The following RNPS1 variants were observed in gnomAD, a reference collection of about 807,000 sequenced individuals.
RNPS1 encodes RNA binding protein with serine rich domain 1.
For missense variants in RNPS1, 300 were observed against 427.6 expected (o/e 0.70, Z 2.63); for synonymous variants, 147 against 150.0 (o/e 0.98, Z 0.15).
chr16:2,267,667 C>G, intron 1 of RNPS1: 3 of 1,144,694 alleles, frequency 2.6e-6, no homozygotes, highest in Non-Finnish European at 3.2e-6. Flanking sequence ...ACTCACAACT[C>G]CCCCGTCCAG....
At chr16:2,267,734 G>A (rs1186629820) in intron 1 of RNPS1, 14 of 1,281,398 alleles carry the variant, frequency 1.1e-5, no homozygotes, top group Non-Finnish European at 1.3e-5. Flanking sequence ...TTGGGTCTCC[G>A]GCCCGGCGGG....
intron 6 of RNPS1, chr16:2,255,953 G>C: frequency 1.9e-6 from 1 of 525,500 alleles, no homozygotes. Context: ...TGGTGAAAAT[G>C]TCTCTACTAA....
chr16:2,258,952 G>A (rs1422169735), intron 6 of RNPS1, among the ~76,000 whole-genome samples: 1 of 151,710 alleles, frequency 6.6e-6, no homozygotes, highest in Non-Finnish European at 1.5e-5. Flanking sequence ...GTGAAACCAT[G>A]TCTCTACTAA....
intron 6 of RNPS1, among the ~76,000 whole-genome samples, chr16:2,261,311 G>C (rs1234368425): frequency 6.6e-6 from 1 of 152,116 alleles, no homozygotes; most frequent in African/African-American, 2.4e-5. Flanking sequence ...TTCTATGTGT[G>C]GCTGTTGCAT....
intron 7 of RNPS1, 31 bp downstream of exon 7, chr16:2,255,554 G>C (rs1295171195): frequency 3.9e-6 from 6 of 1,550,122 alleles, no homozygotes; most frequent in African/African-American, 2.7e-5. Flanking sequence ...TTTGTGGCCT[G>C]ATCAGTCCAC....
chr16:2,255,566 G>GA lies in RNPS1; in HGVS notation c.818+18dup. Reference sequence around the variant, plus strand: ...AGGTTTGTGGCCTGATCAGTCCACTGAAACTACAAATTGTTTACCTTCTCC... The same window carrying GA: ...AGGTTTGTGGCCTGATCAGTCCACTGAAAACTACAAATTGTTTACCTTCTCC... On this transcript the variant is annotated intron_variant, in intron 7 of 7. Coordinates refer to ENST00000320225, the MANE Select transcript of RNPS1 (RefSeq NM_080594.4). The GA allele has an allele frequency of 2.6e-6, 4 of 1,558,614 alleles. No individual in the cohort carries two copies. Among genetic ancestry groups the GA allele is most frequent in the Non-Finnish European group, 3.5e-6 (4 of 1,156,348 alleles).
In RNPS1 at chr16:2,260,289, G is replaced by A. The variant is rs376778542; in HGVS notation, c.676+1989C>T. On this transcript the variant is annotated intron_variant, in intron 6 of 7. Transcript: ENST00000320225. ...TCCTGCCTCAGCCTCCCAAGTAGCT[G>A]GGACCACAGGTGTGTGCCATCATGC... Among the ~76,000 whole-genome samples, 45 of 151,038 alleles carry A rather than the reference G, an allele frequency of 3.0e-4. 1 individual carries two copies. The East Asian group carries it at 7.8e-3, about 26-fold the overall frequency.
chr16:2,264,448 C>T, intron 2 of RNPS1, 117 bp from the exon 3 acceptor site: 2 of 1,543,700 alleles, frequency 1.3e-6, no homozygotes, highest in East Asian at 2.3e-5. Flanking sequence ...GACCACAGAG[C>T]AAAGTGGTCT....
intron 1 of RNPS1, chr16:2,265,423 G>A (rs1457273301): frequency 6.6e-6 from 1 of 151,990 alleles, no homozygotes; most frequent in Non-Finnish European, 1.5e-5. Context: ...AAGATTGATG[G>A]GTGGCTAGAT....
At position 2,263,213 on chromosome 16, in the gene RNPS1, G is replaced by A. The variant is rs920811443; in HGVS notation, c.302C>T (p.Ser101Leu). ...GGAGCTTCCTGAGCGGCTGGATGCTGAGGAAGAGCTGGAGCCACTGCTTGA... is the reference window on the plus strand; with the variant it reads ...GGAGCTTCCTGAGCGGCTGGATGCTAAGGAAGAGCTGGAGCCACTGCTTGA... ...TGSSSGSSSS[S>L]ASSRSGSSST... The change falls in exon 4 of 8, where the codon TCA becomes TTA. Residue 101 changes from serine to leucine, a missense_variant. Transcript: ENST00000320225. The A allele has an allele frequency of 2.5e-6, 4 of 1,613,646 alleles. No individual in the cohort carries two copies. Among genetic ancestry groups the A allele is most frequent in the Non-Finnish European group, 3.4e-6 (4 of 1,179,820 alleles).
Position 2,253,895 on chromosome 16 carries a change from G to C in RNPS1, c.*69C>G. The C allele has an allele frequency of 7.2e-7, 1 of 1,385,126 alleles. No homozygotes were observed. Among genetic ancestry groups the C allele is most frequent in the Non-Finnish European group, 1.0e-6 (1 of 995,196 alleles). 85.8% of individuals were successfully genotyped at this position (1,385,126 alleles called of 1,614,324 possible). ...TTTGCTTTCCTACTGGTCTTCCTTTGGCTAGAAAAGTGACAAAACTGAGCT... is the reference window on the plus strand; with the variant it reads ...TTTGCTTTCCTACTGGTCTTCCTTTCGCTAGAAAAGTGACAAAACTGAGCT... On this transcript the variant is annotated 3_prime_UTR_variant, in exon 8 of 8. Coordinates refer to ENST00000320225, the MANE Select transcript of RNPS1 (RefSeq NM_080594.4).
intron 6 of RNPS1, 160 bp from the exon 7 acceptor site, chr16:2,255,886 G>T (rs972662523): frequency 4.2e-6 from 3 of 720,988 alleles, no homozygotes; most frequent in Non-Finnish European, 4.7e-6. Flanking sequence ...CCAGCACTTT[G>T]GGAAGCTGAG....
chr16:2,256,042 G>A (rs973100081), intron 6 of RNPS1: 1 of 310,682 alleles, frequency 3.2e-6, no homozygotes, highest in South Asian at 3.0e-5. Flanking sequence ...GGAGAATGGC[G>A]TGAACCCGGG....
intron 7 of RNPS1, among the ~76,000 whole-genome samples, chr16:2,254,740 CTTTT>C (rs11315814): frequency 1.1e-4 from 11 of 103,592 alleles, no homozygotes; most frequent in African/African-American, 2.2e-4. Flanking sequence ...AAAGTTTTAC[CTTTT>C]TTTTTTTTTT....
intron 6 of RNPS1, among the ~76,000 whole-genome samples, chr16:2,260,153 T>A (rs1342464066): frequency 7.4e-6 from 1 of 134,542 alleles, no homozygotes; most frequent in Non-Finnish European, 1.6e-5. Context: ...TATTCTTTTT[T>A]TTTTTTTTTT....
chr16:2,263,018 G>T, intron 4 of RNPS1, 78 bp downstream of exon 4: 2 of 1,467,600 alleles, frequency 1.4e-6, no homozygotes, highest in African/African-American at 1.4e-5. Flanking sequence ...GACTCCTTTT[G>T]GGTCCCTTTT....
At chr16:2,267,972 T>C in intron 1 of RNPS1, 83 bp downstream of exon 1, 1 of 1,532,954 alleles carries the variant, frequency 6.5e-7, no homozygotes, top group Non-Finnish European at 8.7e-7. Flanking sequence ...GGCTGAGGAG[T>C]GGACCGGCTT....
chr16:2,253,761 G>C lies in RNPS1; in HGVS notation c.*203C>G. 1 of 681,606 alleles carries C rather than the reference G, an allele frequency of 1.5e-6. No individual in the cohort carries two copies. The highest frequency in any genetic ancestry group is 2.7e-6 in the Non-Finnish European group (1 of 373,448). The allele number at this position is 681,606 out of a possible 1,614,324, so 42.2% of individuals were successfully genotyped here. On this transcript the variant is annotated 3_prime_UTR_variant, in exon 8 of 8. Transcript: ENST00000320225. ...TGAGCTTTCTAGCCAGAAAACCGGA[G>C]GGAATCTTGACAGGCACACAGCATC...
In RNPS1 at chr16:2,267,961, G is replaced by A. The variant is rs2093632271; in HGVS notation, c.-118+94C>T. The A allele has an allele frequency of 2.6e-6, 4 of 1,532,978 alleles. No individual in the cohort carries two copies. In the Admixed American group the frequency reaches 5.9e-5, roughly 23 times the overall value. The allele number at this position is 1,532,978 out of a possible 1,614,324, so 95.0% of individuals were successfully genotyped here. A position where few individuals can be genotyped will look rare whatever the true frequency, so the allele number is the denominator to read the frequency against. On this transcript the variant is annotated intron_variant, in intron 1 of 7. Coordinates refer to ENST00000320225, the MANE Select transcript of RNPS1 (RefSeq NM_080594.4). ...GCTGCCAGGCCACCGCCGCACTGCGGGGCTGAGGAGTGGACCGGCTTCACG... is the reference window on the plus strand; with the variant it reads ...GCTGCCAGGCCACCGCCGCACTGCGAGGCTGAGGAGTGGACCGGCTTCACG...
Sources: allele counts gnomAD v4.1 joint callset (sites outside exome capture counted in the v4.1 genomes callset), GRCh38; gene constraint gnomAD v4.1.1; transcripts MANE v1.5; gene names NCBI Gene and HGNC (gene_info 2026-07-23, HGNC 2026-07-21).